SLC38A10: variants seen among roughly 807,000 people sequenced by gnomAD.
SLC38A10 encodes the protein solute carrier family 38 member 10.
A neutral mutation model predicts 81.0 loss-of-function variants in SLC38A10; 53 were observed. The ratio of observed to expected loss-of-function variants is 0.65; its 90% CI spans 0.53 to 0.82. The LOEUF (loss-of-function observed/expected upper bound fraction) is 0.82, where lower values mean the gene tolerates loss of function less well. Ranked by LOEUF, SLC38A10 falls within the 40% of genes least tolerant of loss-of-function variation. SLC38A10 has a pLI of 0.00. For missense variants in SLC38A10, 1,471 were observed against 1,545.0 expected, an observed-to-expected ratio of 0.95 and a Z score of 0.80; for synonymous variants, 665 against 655.3, an observed-to-expected ratio of 1.01 and a Z score of -0.23.
rs570935857 is a variant in SLC38A10, at chr17:81,283,783, G to C, written c.264-281C>G. Among the ~76,000 whole-genome samples the C allele has an allele frequency of 2.0e-5, 3 of 151,832 alleles. No homozygotes were observed. In the South Asian group the frequency reaches 6.2e-4, roughly 32 times the overall value. On this transcript the variant is annotated intron_variant, in intron 3 of 15. Coordinates refer to ENST00000374759, the MANE Select transcript of SLC38A10 (RefSeq NM_001037984.3). This position sits in a 1 kb window ranked among gnomAD's most constrained non-coding sequence, Gnocchi z 4.7. Reference sequence around the variant, plus strand: ...AGTAGCCACGCCCGGCTAATTGTTTGTATTTTTAGTAGAGACGGGGTTGCA... The same window carrying C: ...AGTAGCCACGCCCGGCTAATTGTTTCTATTTTTAGTAGAGACGGGGTTGCA...
At chr17:81,284,935 G>T in intron 2 of SLC38A10, 40 bp from the exon 3 acceptor site, 1 of 1,524,538 alleles carries the variant, frequency 6.6e-7, no homozygotes, top group Non-Finnish European at 8.8e-7. Flanking sequence ...CCAACAGCGT[G>T]AGAAGCTCGT....
At chr17:81,272,401 T>C in intron 9 of SLC38A10, 115 bp downstream of exon 9, 1 of 549,526 alleles carries the variant, frequency 1.8e-6, no homozygotes, top group Non-Finnish European at 3.0e-6. Flanking sequence ...CTCTAGACTT[T>C]TTTAAGAGAC....
chr17:81,284,922 A>G (rs1269997132), intron 2 of SLC38A10, 27 bp from the exon 3 acceptor site: 1 of 1,537,888 alleles, frequency 6.5e-7, no homozygotes. Flanking sequence ...AGGAACACTC[A>G]ATCCAACAGC....
At chr17:81,272,144 T>A (rs945621193) in intron 9 of SLC38A10, among the ~76,000 whole-genome samples, 5 of 152,026 alleles carry the variant, frequency 3.3e-5, no homozygotes, top group Non-Finnish European at 7.4e-5. Context: ...GTGATTCTTT[T>A]GCCTCAGCCT....
At chr17:81,257,803 C>T (rs927640372) in intron 11 of SLC38A10, among the ~76,000 whole-genome samples, 2 of 152,256 alleles carry the variant, frequency 1.3e-5, no homozygotes, top group African/African-American at 2.4e-5. Context: ...GTGCCTGCCC[C>T]GCTGGGGGAG....
At position 81,281,499 on chromosome 17, in the gene SLC38A10, G is replaced by A. The variant is rs557754303; in HGVS notation, c.501+690C>T. Among the ~76,000 whole-genome samples, 18 of 152,216 alleles carry A rather than the reference G, an allele frequency of 1.2e-4. No individual in the cohort carries two copies. Among genetic ancestry groups the A allele is most frequent in the East Asian group, 1.2e-3 (6 of 5,186 alleles). On this transcript the variant is annotated intron_variant, in intron 5 of 15. Coordinates refer to ENST00000374759, the MANE Select transcript of SLC38A10 (RefSeq NM_001037984.3). This position sits in a 1 kb window ranked among gnomAD's most constrained non-coding sequence, Gnocchi z 5.3. The stretch of plus-strand genomic sequence containing the variant: ...CTCATTTAGAAAAATAATAGCGGCC[G>A]GGCGTGGTGGCTCATGCCTGTAACC...
In SLC38A10 at chr17:81,253,360, C is replaced by T; in HGVS notation, c.1289-120G>A. 1.6e-6 allele frequency: 2 copies of T among 1,237,810 alleles called. No individual in the cohort carries two copies. Among genetic ancestry groups the T allele is most frequent in the Non-Finnish European group, 2.2e-6 (2 of 908,926 alleles). The allele number at this position is 1,237,810 out of a possible 1,614,324, so 76.7% of individuals were successfully genotyped here. ...GGCAGAGTCAAAGCAGTTTCTTTTT[C>T]CTGTTCGATCATTAGCAGCTAAGTA... On this transcript the variant is annotated intron_variant, in intron 11 of 15. Coordinates refer to ENST00000374759, the MANE Select transcript of SLC38A10 (RefSeq NM_001037984.3). This position sits in a 1 kb window ranked among gnomAD's most constrained non-coding sequence, Gnocchi z 4.1.
In SLC38A10 at chr17:81,252,664, GCCCACAGGCAC is replaced by G; in HGVS notation, c.1465_1475del (p.Val489ArgfsTer18). On this transcript the variant is annotated frameshift_variant, in exon 13 of 16. Coordinates refer to ENST00000374759, the MANE Select transcript of SLC38A10 (RefSeq NM_001037984.3). LOFTEE classifies it high-confidence loss of function. Reference sequence around the variant, plus strand: ...CAGGAGGCTCGTGGCGGTGGGCCTCGCCCACAGGCACAGCAATCCCTGCAAGGGCACGGGGG... The same window carrying G: ...CAGGAGGCTCGTGGCGGTGGGCCTCGAGCAATCCCTGCAAGGGCACGGGGG... 1 of 1,605,210 alleles carries G rather than the reference GCCCACAGGCAC, an allele frequency of 6.2e-7. No homozygotes were observed.
chr17:81,277,455 C>A lies in SLC38A10; in HGVS notation c.627-322G>T, dbSNP rs565574011. 6.6e-6 allele frequency among the ~76,000 whole-genome samples: 1 copy of A among 152,332 alleles called. No individual in the cohort carries two copies. Among genetic ancestry groups the A allele is most frequent in the South Asian group, 2.1e-4 (1 of 4,830 alleles). On this transcript the variant is annotated intron_variant, in intron 6 of 15. Transcript: ENST00000374759. This position sits in a 1 kb window ranked among gnomAD's most constrained non-coding sequence, Gnocchi z 4.5. ...GCAGCCAGTTTACAGGGCAAGCAGCCGGAGGAGGCTGCTCAGAGAATCGCT... is the reference window on the plus strand; with the variant it reads ...GCAGCCAGTTTACAGGGCAAGCAGCAGGAGGAGGCTGCTCAGAGAATCGCT...
chr17:81,278,518 G>A (rs1772469924), intron 6 of SLC38A10, among the ~76,000 whole-genome samples: 2 of 152,262 alleles, frequency 1.3e-5, no homozygotes, highest in East Asian at 1.9e-4. Flanking sequence ...AGCAGTCAGG[G>A]GACCCCGCAG....
rs541643767 is a variant in SLC38A10 at position 81,276,321 on chromosome 17, A to C, written c.730-170T>G. Among the ~76,000 whole-genome samples the C allele has an allele frequency of 5.3e-5, 8 of 151,558 alleles. No individual in the cohort carries two copies. The highest frequency in any genetic ancestry group is 1.9e-4 in the African/African-American group (8 of 41,268). ...GATGGCCTTCCAGGGGCAAGGCACCATTTCGCCTCCTCCTTCTAAAAATCT... is the reference window on the plus strand; with the variant it reads ...GATGGCCTTCCAGGGGCAAGGCACCCTTTCGCCTCCTCCTTCTAAAAATCT... On this transcript the variant is annotated intron_variant, in intron 7 of 15. Transcript: ENST00000374759. The surrounding 1 kb of genome is among the most constrained non-coding windows in gnomAD (Gnocchi z 4.7).
rs571908393 is a variant in SLC38A10 at position 81,276,728 on chromosome 17, T to C, written c.729+303A>G. On this transcript the variant is annotated intron_variant, in intron 7 of 15. Coordinates refer to ENST00000374759, the MANE Select transcript of SLC38A10 (RefSeq NM_001037984.3). This position sits in a 1 kb window ranked among gnomAD's most constrained non-coding sequence, Gnocchi z 4.7. ...TTCTACAGAGAATTAACAGAGGTCT[T>C]GGAGAGAGAGTAAGAGTGGCTCGGA... Among the ~76,000 whole-genome samples the C allele has an allele frequency of 6.6e-6, 1 of 152,212 alleles. No individual in the cohort carries two copies. The highest frequency in any genetic ancestry group is 6.5e-5 in the Admixed American group (1 of 15,282).
rs1027281089 is a variant in SLC38A10 at position 81,252,061 on chromosome 17, C to G, written c.1945+134G>C. 1.1e-5 allele frequency: 15 copies of G among 1,310,324 alleles called. 1 individual carries two copies. In the Admixed American group the frequency reaches 3.9e-4, roughly 34 times the overall value. The allele number at this position is 1,310,324 out of a possible 1,614,324, so 81.2% of individuals were successfully genotyped here. A position where few individuals can be genotyped will look rare whatever the true frequency, so the allele number is the denominator to read the frequency against. On this transcript the variant is annotated intron_variant, in intron 13 of 15. Coordinates refer to ENST00000374759, the MANE Select transcript of SLC38A10 (RefSeq NM_001037984.3). ...TCCCCACCAGCTGCCGGGGCCCGCTCCATTTGCATGCTAATCTGGTGCAGG... is the reference window on the plus strand; with the variant it reads ...TCCCCACCAGCTGCCGGGGCCCGCTGCATTTGCATGCTAATCTGGTGCAGG...
chr17:81,250,105 G>A (rs760292961), intron 14 of SLC38A10: 65 of 1,287,564 alleles, frequency 5.0e-5, no homozygotes, highest in East Asian at 2.2e-4. Flanking sequence ...TGCTCGTCCC[G>A]TTGAGAGGCA....
rs969830357 is a variant in SLC38A10, at chr17:81,246,616, C to A, written c.2300G>T (p.Gly767Val). The A allele has an allele frequency of 6.6e-7, 1 of 1,515,876 alleles. No homozygotes were observed. The highest frequency in any genetic ancestry group is 1.4e-5 in the African/African-American group (1 of 71,672). 93.9% of individuals were successfully genotyped at this position (1,515,876 alleles called of 1,614,324 possible). A position where few individuals can be genotyped will look rare whatever the true frequency, so the allele number is the denominator to read the frequency against. The change falls in exon 16 of 16, where the codon GGC (glycine) becomes GTC (valine). Residue 767 changes from glycine to valine, a missense_variant. By Grantham distance (109) the Gly-to-Val change is moderately radical. Around this residue, in one of 2 missense-constraint regions of SLC38A10, gnomAD observed 751 missense variants for 717.4 expected, o/e 1.05. Transcript: ENST00000374759. ...ATTCTCCACCGTCTCCCTGGCCTTG[C>A]CTTCAGGGGCCTCCTGGCCTCTGGG... The part of the protein sequence containing the change: ...AVPRGQEAPE[G>V]KARETVENLP...
intron 10 of SLC38A10, among the ~76,000 whole-genome samples, chr17:81,268,167 C>A (rs1330486160): frequency 6.6e-6 from 1 of 151,754 alleles, no homozygotes; most frequent in Non-Finnish European, 1.5e-5. Context: ...AGCTGAGACC[C>A]CAGAAGGGCT....
At chr17:81,252,163 G>A in intron 13 of SLC38A10, 32 bp downstream of exon 13, 1 of 1,492,866 alleles carries the variant, frequency 6.7e-7, no homozygotes. Flanking sequence ...AGAGGGGAGT[G>A]TCTTCCGACA....
At chr17:81,262,310 G>C (rs1320177284) in intron 10 of SLC38A10, among the ~76,000 whole-genome samples, 4 of 152,216 alleles carry the variant, frequency 2.6e-5, no homozygotes, top group Non-Finnish European at 5.9e-5. Context: ...GCACAGGGCA[G>C]AGACCAGGCT....
At position 81,287,780 on chromosome 17, in the gene SLC38A10, T is replaced by A. The variant is rs185320262; in HGVS notation, c.217+1911A>T. On this transcript the variant is annotated intron_variant, in intron 2 of 15. Coordinates refer to ENST00000374759, the MANE Select transcript of SLC38A10 (RefSeq NM_001037984.3). ...TGACTTTTCAGGGACTTTGAATGAA[T>A]AGACAGCTGGCTATCAGAAATGGGG... is the stretch of plus-strand genomic sequence containing the variant. Among the ~76,000 whole-genome samples, 10 of 152,326 alleles carry A rather than the reference T, an allele frequency of 6.6e-5. No homozygotes were observed. The East Asian group carries it at 1.7e-3, about 26-fold the overall frequency.
Sources: allele counts gnomAD v4.1 joint callset (sites outside exome capture counted in the v4.1 genomes callset), GRCh38; gene constraint gnomAD v4.1.1; regional missense constraint gnomAD v4.1.1; non-coding constraint Gnocchi (gnomAD v3.1); transcripts MANE v1.5; gene names NCBI Gene and HGNC (gene_info 2026-07-23, HGNC 2026-07-21).